SLC25A21: variants seen among roughly 807,000 people sequenced by gnomAD.
SLC25A21 encodes mitochondrial 2-oxodicarboxylate carrier.
In SLC25A21, 47 loss-of-function variants were observed where a neutral mutation model predicts 43.8. The ratio of observed to expected loss-of-function variants is 1.07; its 90% CI spans 0.85 to 1.37. SLC25A21 has a LOEUF of 1.37. SLC25A21 is among the 40% of genes most tolerant of loss of function. The pLI, the probability that SLC25A21 is intolerant of heterozygous loss-of-function variation, is 0.00. For missense variants in SLC25A21, 352 were observed against 350.2 expected (o/e 1.00, Z -0.04); for synonymous variants, 131 against 121.3 (o/e 1.08, Z -0.52).
chr14:36,795,244 A>T (rs1048642224), intron 3 of SLC25A21, among the ~76,000 whole-genome samples: 9 of 152,210 alleles, frequency 5.9e-5, no homozygotes, highest in African/African-American at 2.2e-4. Context: ...AATGATTTTA[A>T]CTTCGTTATT....
chr14:37,072,007 C>A (rs1962182508), intron 1 of SLC25A21, among the ~76,000 whole-genome samples: 1 of 151,488 alleles, frequency 6.6e-6, no homozygotes, highest in Non-Finnish European at 1.5e-5. Context: ...CGTGGTGAAA[C>A]CTCATCTCTA....
At chr14:36,815,799 C>T (rs1888434193) in intron 2 of SLC25A21, among the ~76,000 whole-genome samples, 1 of 152,114 alleles carries the variant, frequency 6.6e-6, no homozygotes, top group African/African-American at 2.4e-5. Context: ...TTTACCCTGC[C>T]TATTCCTTGT....
chr14:36,938,460 A>G (rs1175083263), intron 1 of SLC25A21, among the ~76,000 whole-genome samples: 1 of 152,178 alleles, frequency 6.6e-6, no homozygotes, highest in Non-Finnish European at 1.5e-5. Flanking sequence ...GGACAGCCTT[A>G]GCAGAGCAGC....
At chr14:37,051,184 G>A (rs931949584) in intron 1 of SLC25A21, among the ~76,000 whole-genome samples, 9 of 152,096 alleles carry the variant, frequency 5.9e-5, no homozygotes, top group South Asian at 4.1e-4. Flanking sequence ...TCTAAGCACC[G>A]CATAAATATT....
chr14:36,806,117 G>A (rs1379472472), intron 3 of SLC25A21, among the ~76,000 whole-genome samples: 3 of 133,328 alleles, frequency 2.3e-5, no homozygotes, highest in South Asian at 5.8e-4. Flanking sequence ...TCTGAGGCAG[G>A]AGAATTGCTT....
At position 36,786,380 on chromosome 14, in the gene SLC25A21, A is replaced by C. The variant is rs539424515; in HGVS notation, c.203+27538T>G. On this transcript the variant is annotated intron_variant, in intron 3 of 9. Coordinates refer to ENST00000331299, the MANE Select transcript of SLC25A21 (RefSeq NM_030631.4). ...AATATTTGAATCTAAATGCTGAGCA[A>C]CTCAGAGGTGACTTTCTATAGAGAG... is the stretch of plus-strand genomic sequence containing the variant. Among the ~76,000 whole-genome samples the C allele has an allele frequency of 1.1e-4, 16 of 152,338 alleles. No individual in the cohort carries two copies. In the South Asian group the frequency reaches 2.9e-3, roughly 28 times the overall value.
At chr14:36,896,095 C>T (rs1449351514) in intron 1 of SLC25A21, among the ~76,000 whole-genome samples, 28 of 151,910 alleles carry the variant, frequency 1.8e-4, no homozygotes, top group African/African-American at 5.6e-4. Flanking sequence ...TGGATATCCT[C>T]GTTAACTTTC....
At chr14:36,928,885 G>A (rs1892206892) in intron 1 of SLC25A21, among the ~76,000 whole-genome samples, 3 of 152,178 alleles carry the variant, frequency 2.0e-5, no homozygotes, top group African/African-American at 7.2e-5. Context: ...AGCATCAATA[G>A]TACTTAAAGG....
At chr14:37,059,557 T>A (rs978335500) in intron 1 of SLC25A21, among the ~76,000 whole-genome samples, 6 of 152,186 alleles carry the variant, frequency 3.9e-5, no homozygotes, top group East Asian at 3.9e-4. Flanking sequence ...TGGGTTTTTT[T>A]AAATACAGTG....
rs1317864735 is a variant in SLC25A21, at chr14:36,874,818, C to T, written c.119+138G>A. On this transcript the variant is annotated intron_variant, in intron 2 of 9. Coordinates refer to ENST00000331299, the MANE Select transcript of SLC25A21 (RefSeq NM_030631.4). ...TTCACATTTTATCTGTCAAATAGTACTTTCTTTAGAAGCAAATATAACTGC... is the reference window on the plus strand; with the variant it reads ...TTCACATTTTATCTGTCAAATAGTATTTTCTTTAGAAGCAAATATAACTGC... 28 of 581,442 alleles carry T rather than the reference C, an allele frequency of 4.8e-5. 2 individuals are homozygous for T. The Middle Eastern group carries it at 1.6e-3, about 34-fold the overall frequency. The allele number at this position is 581,442 out of a possible 1,614,324, so 36.0% of individuals were successfully genotyped here. A position where few individuals can be genotyped will look rare whatever the true frequency, so the allele number is the denominator to read the frequency against.
chr14:37,017,969 T>G lies in SLC25A21; in HGVS notation c.71-142965A>C, dbSNP rs916705027. On this transcript the variant is annotated intron_variant, in intron 1 of 9. Transcript: ENST00000331299. ...CTAAATTTTCATCCAGCAATTCTAC[T>G]TTTTGGAATCTGTCTTACAGAAATA... 1.1e-3 allele frequency among the ~76,000 whole-genome samples: 160 copies of G among 152,106 alleles called. 1 individual carries two copies. Among genetic ancestry groups the G allele is most frequent in the African/African-American group, 3.7e-3 (152 of 41,530 alleles).
At chr14:36,775,384 C>G (rs1039090020) in intron 3 of SLC25A21, among the ~76,000 whole-genome samples, 1 of 151,930 alleles carries the variant, frequency 6.6e-6, no homozygotes. Flanking sequence ...ACAGCCCTCC[C>G]GAAAAAAATC....
chr14:36,920,162 G>A (rs1011835154), intron 1 of SLC25A21, among the ~76,000 whole-genome samples: 9 of 151,796 alleles, frequency 5.9e-5, no homozygotes, highest in African/African-American at 1.5e-4. Flanking sequence ...TTTCACTTAC[G>A]GCAGTACAAA....
intron 1 of SLC25A21, among the ~76,000 whole-genome samples, chr14:37,163,592 G>A (rs1007431598): frequency 2.6e-5 from 4 of 152,034 alleles, no homozygotes; most frequent in Non-Finnish European, 4.4e-5. Context: ...AAGAAAAATC[G>A]ATCAAAATCT....
chr14:37,121,257 A>G (rs544118614), intron 1 of SLC25A21, among the ~76,000 whole-genome samples: 2 of 152,152 alleles, frequency 1.3e-5, no homozygotes, highest in Non-Finnish European at 2.9e-5. Flanking sequence ...ACATCCAGTT[A>G]TTTGGTCCTT....
chr14:37,084,168 C>T (rs577775915), intron 1 of SLC25A21, among the ~76,000 whole-genome samples: 2 of 152,256 alleles, frequency 1.3e-5, no homozygotes, highest in African/African-American at 4.8e-5. Context: ...AGTCCCTCCC[C>T]CCACCTTATG....
At chr14:37,113,853 C>A (rs77394455) in intron 1 of SLC25A21, among the ~76,000 whole-genome samples, 631 of 119,238 alleles carry the variant, frequency 5.3e-3, no homozygotes, top group South Asian at 8.6e-3. Flanking sequence ...GACTCTGTCT[C>A]AAAAAAAAAA....
intron 1 of SLC25A21, among the ~76,000 whole-genome samples, chr14:37,137,826 ATGTC>A (rs1963508025): frequency 6.6e-6 from 1 of 152,194 alleles, no homozygotes; most frequent in African/African-American, 2.4e-5. Flanking sequence ...ACCATTTAAC[ATGTC>A]TGTATGTCAA....
chr14:37,156,244 G>A (rs1307339135), intron 1 of SLC25A21, among the ~76,000 whole-genome samples: 1 of 151,318 alleles, frequency 6.6e-6, no homozygotes, highest in Non-Finnish European at 1.5e-5. Flanking sequence ...GAATTAAATG[G>A]TATTACTACA....
Sources: allele counts gnomAD v4.1 joint callset (sites outside exome capture counted in the v4.1 genomes callset), GRCh38; gene constraint gnomAD v4.1.1; transcripts MANE v1.5; gene names NCBI Gene and HGNC (gene_info 2026-07-23, HGNC 2026-07-21).